The following PTPRM variants were observed in gnomAD, a reference collection of about 807,000 sequenced individuals.
PTPRM encodes the protein protein tyrosine phosphatase receptor type M.
A neutral mutation model predicts 186.7 loss-of-function variants in PTPRM; 47 were observed. The observed-to-expected ratio is 0.25, with a 90% CI of 0.20 to 0.32. The LOEUF (loss-of-function observed/expected upper bound fraction) is 0.32. Ranked by LOEUF, PTPRM falls within the 10% of genes least tolerant of loss-of-function variation. The pLI is 1.00. For synonymous variants in PTPRM, 668 were observed against 674.9 expected (o/e 0.99, Z 0.16); for missense variants, 1,494 against 1,865.0 (o/e 0.80, Z 3.66).
At chr18:7,623,994 G>C (rs976300773) in intron 1 of PTPRM, among the ~76,000 whole-genome samples, 1 of 152,078 alleles carries the variant, frequency 6.6e-6, no homozygotes, top group Non-Finnish European at 1.5e-5. Flanking sequence ...GCAGGGGGTG[G>C]GGGTAACTAT....
intron 2 of PTPRM, among the ~76,000 whole-genome samples, chr18:7,834,891 T>C: frequency 6.6e-6 from 1 of 151,958 alleles, no homozygotes; most frequent in East Asian, 1.9e-4. Flanking sequence ...TTCCAATTTA[T>C]TGGCATATAG....
chr18:8,271,702 G>C (rs1056915162), intron 19 of PTPRM, among the ~76,000 whole-genome samples: 2 of 151,568 alleles, frequency 1.3e-5, no homozygotes, highest in African/African-American at 4.8e-5. Flanking sequence ...CATTTTTCTT[G>C]AGTTAATTTT....
intron 7 of PTPRM, among the ~76,000 whole-genome samples, chr18:7,988,013 CAAAAA>C (rs57611700): frequency 0.1 from 11,635 of 112,384 alleles, 445 homozygotes; most frequent in South Asian, 0.21. Context: ...CCTGTGTCTA[CAAAAA>C]AAAAAAAAAA....
intron 5 of PTPRM, among the ~76,000 whole-genome samples, chr18:7,938,148 A>G (rs1274511778): frequency 6.6e-6 from 1 of 152,124 alleles, no homozygotes. Context: ...CATTGGAGAG[A>G]GCTAAGATAT....
intron 14 of PTPRM, among the ~76,000 whole-genome samples, chr18:8,226,329 G>C (rs1455741497): frequency 5.6e-5 from 8 of 141,650 alleles, no homozygotes; most frequent in Non-Finnish European, 1.0e-4. Context: ...CAAATCGTTT[G>C]CTTTCTACAT....
At chr18:7,917,127 AGGT>A (rs2050606001) in intron 4 of PTPRM, among the ~76,000 whole-genome samples, 1 of 152,352 alleles carries the variant, frequency 6.6e-6, no homozygotes, top group East Asian at 1.9e-4. Context: ...ACTTTTGAAA[AGGT>A]GGTGAAAAAG....
At chr18:7,609,427 T>G (rs1264324745) in intron 1 of PTPRM, among the ~76,000 whole-genome samples, 1 of 152,084 alleles carries the variant, frequency 6.6e-6, no homozygotes, top group Non-Finnish European at 1.5e-5. Flanking sequence ...TGCCTGGTGC[T>G]TTGGGGCGCC....
intron 1 of PTPRM, among the ~76,000 whole-genome samples, chr18:7,572,005 G>A (rs2036576683): frequency 6.6e-6 from 1 of 152,068 alleles, no homozygotes; most frequent in Non-Finnish European, 1.5e-5. Flanking sequence ...ACATTTTCAA[G>A]GTGCTTTCGC....
intron 13 of PTPRM, among the ~76,000 whole-genome samples, chr18:8,115,465 C>T (rs2091920935): frequency 6.6e-6 from 1 of 152,176 alleles, no homozygotes; most frequent in Non-Finnish European, 1.5e-5. Flanking sequence ...TGTTTGTGAA[C>T]ATGAGCTGTC....
chr18:7,814,703 C>T (rs2044712407), intron 2 of PTPRM: 1 of 152,236 alleles, frequency 6.6e-6, no homozygotes, highest in African/African-American at 2.4e-5. Flanking sequence ...TCTTCCTTCC[C>T]TTCATCCAGA....
At chr18:7,706,193 T>G (rs1196860500) in intron 1 of PTPRM, among the ~76,000 whole-genome samples, 2 of 151,872 alleles carry the variant, frequency 1.3e-5, no homozygotes, top group African/African-American at 4.8e-5. Context: ...AGAAGTCATT[T>G]GTTACACGCA....
intron 14 of PTPRM, among the ~76,000 whole-genome samples, chr18:8,217,537 T>C (rs1477484348): frequency 6.6e-6 from 1 of 152,200 alleles, no homozygotes; most frequent in Admixed American, 6.5e-5. Context: ...GTATTCTACA[T>C]AGCAATTTTA....
chr18:7,723,750 C>T (rs2040492838), intron 1 of PTPRM, among the ~76,000 whole-genome samples: 1 of 152,160 alleles, frequency 6.6e-6, no homozygotes, highest in African/African-American at 2.4e-5. Context: ...CAGCGTTTCC[C>T]TTCGGGATTC....
intron 11 of PTPRM, 133 bp from the exon 12 acceptor site, chr18:8,113,353 T>C (rs940470600): frequency 1.6e-5 from 12 of 762,580 alleles, no homozygotes; most frequent in Admixed American, 2.6e-5. Flanking sequence ...GTCTGTTATA[T>C]ATCAAGCACT....
At chr18:8,044,713 T>G (rs2086910846) in intron 7 of PTPRM, among the ~76,000 whole-genome samples, 1 of 141,162 alleles carries the variant, frequency 7.1e-6, no homozygotes, top group African/African-American at 2.7e-5. Flanking sequence ...GCCAAGATTA[T>G]GCCACTGTAC....
At chr18:7,687,073 A>G (rs1361665996) in intron 1 of PTPRM, among the ~76,000 whole-genome samples, 7 of 152,214 alleles carry the variant, frequency 4.6e-5, no homozygotes, top group Non-Finnish European at 1.0e-4. Flanking sequence ...TATAACCTCA[A>G]CTAATCTTGT....
At chr18:7,635,370 T>G (rs1237830087) in intron 1 of PTPRM, among the ~76,000 whole-genome samples, 1 of 152,200 alleles carries the variant, frequency 6.6e-6, no homozygotes, top group Non-Finnish European at 1.5e-5. Context: ...TAGTACTTCT[T>G]GATTTAATGC....
chr18:8,217,868 C>T (rs1367792595), intron 14 of PTPRM, among the ~76,000 whole-genome samples: 1 of 152,184 alleles, frequency 6.6e-6, no homozygotes, highest in Non-Finnish European at 1.5e-5. Context: ...TTTCTTTTTG[C>T]ACTTTTTTTT....
intron 2 of PTPRM, among the ~76,000 whole-genome samples, chr18:7,855,731 A>G (rs1263491206): frequency 6.6e-6 from 1 of 152,208 alleles, no homozygotes; most frequent in Admixed American, 6.5e-5. Context: ...TTATTTGGCA[A>G]TGGAAAAATA....
Sources: allele counts gnomAD v4.1 joint callset (sites outside exome capture counted in the v4.1 genomes callset), GRCh38; gene constraint gnomAD v4.1.1; transcripts MANE v1.5; gene names NCBI Gene and HGNC (gene_info 2026-07-23, HGNC 2026-07-21).